LRRC49: variants seen among roughly 807,000 people sequenced by gnomAD.
LRRC49 encodes leucine rich repeat containing 49.
Under a neutral mutation model 83.3 loss-of-function variants are expected in LRRC49, and 50 were observed. The ratio of observed to expected loss-of-function variants is 0.60; its 90% CI spans 0.48 to 0.76. The LOEUF (loss-of-function observed/expected upper bound fraction) is 0.76, where lower values mean the gene tolerates loss of function less well. Among genes scored for constraint, LRRC49 ranks in the 30% least tolerant of loss-of-function variants. The pLI is 0.00. For missense variants in LRRC49, 704 were observed against 809.1 expected (o/e 0.87, Z 1.58); for synonymous variants, 286 against 283.3 (o/e 1.01, Z -0.10).
At chr15:70,927,865 C>G (rs1198827132) in intron 7 of LRRC49, among the ~76,000 whole-genome samples, 1 of 152,052 alleles carries the variant, frequency 6.6e-6, no homozygotes, top group African/African-American at 2.4e-5. Context: ...CTAGGCTGGT[C>G]TCAAACACCT....
At chr15:71,009,713 T>A (rs1384878142) in intron 12 of LRRC49, 94 bp from the exon 13 acceptor site, 1 of 795,042 alleles carries the variant, frequency 1.3e-6, no homozygotes, top group Non-Finnish European at 2.0e-6. Context: ...AGTTTACATA[T>A]TTACCTGGGG....
intron 8 of LRRC49, among the ~76,000 whole-genome samples, chr15:70,937,745 C>T (rs1422900285): frequency 6.6e-6 from 1 of 152,146 alleles, no homozygotes; most frequent in East Asian, 1.9e-4. Context: ...CAGAAATTAT[C>T]TGAAGACAGT....
At chr15:70,958,026 T>C (rs187492961) in intron 8 of LRRC49, among the ~76,000 whole-genome samples, 3 of 152,202 alleles carry the variant, frequency 2.0e-5, no homozygotes, top group Admixed American at 2.0e-4. Flanking sequence ...ACCATAACTC[T>C]AGTTGTTCAC....
chr15:70,861,353 G>A (rs1483352088), intron 1 of LRRC49, among the ~76,000 whole-genome samples: 1 of 125,302 alleles, frequency 8.0e-6, no homozygotes, highest in East Asian at 2.2e-4. Flanking sequence ...GAGTCCAAAA[G>A]GAATAGAATG....
At chr15:70,892,602 T>G, upstream of LRRC49, 2 of 1,459,062 alleles carry the variant, frequency 1.4e-6, no homozygotes, top group Non-Finnish European at 1.8e-6. Context: ...GCAACCAGTG[T>G]GGCCAGCCTC....
intron 7 of LRRC49, 72 bp downstream of exon 7, chr15:70,919,265 T>C (rs191751540): frequency 3.1e-6 from 4 of 1,307,674 alleles, no homozygotes; most frequent in Non-Finnish European, 4.2e-6. Context: ...TGTTGTAATA[T>C]GGCTTTCTGC....
At chr15:70,925,794 T>C (rs2035173755) in intron 7 of LRRC49, among the ~76,000 whole-genome samples, 2 of 152,208 alleles carry the variant, frequency 1.3e-5, no homozygotes, top group African/African-American at 2.4e-5. Context: ...AATCTAAATA[T>C]GAAGACTTTT....
intron 7 of LRRC49, 94 bp downstream of exon 7, chr15:70,919,287 C>G: frequency 8.9e-7 from 1 of 1,121,924 alleles, no homozygotes; most frequent in South Asian, 1.8e-5. Context: ...AAGTAAGAAT[C>G]TACGGTTATT....
At chr15:71,003,325 T>C (rs1311395911) in intron 11 of LRRC49, among the ~76,000 whole-genome samples, 1 of 152,234 alleles carries the variant, frequency 6.6e-6, no homozygotes, top group Non-Finnish European at 1.5e-5. Flanking sequence ...AATTCATATT[T>C]GATTTCATTC....
At chr15:70,893,828 A>T (rs1012672437) in intron 2 of LRRC49, among the ~76,000 whole-genome samples, 188 bp downstream of exon 2, 1 of 151,818 alleles carries the variant, frequency 6.6e-6, no homozygotes, top group Non-Finnish European at 1.5e-5. Flanking sequence ...TAAAAAACTT[A>T]ATGTGATTTT....
intron 13 of LRRC49, among the ~76,000 whole-genome samples, chr15:71,010,196 G>C (rs1334807442): frequency 6.6e-6 from 1 of 151,868 alleles, no homozygotes; most frequent in Admixed American, 6.6e-5. Flanking sequence ...AAATAAAATA[G>C]TAACCAGGTT....
At chr15:70,892,747 TCGGGAGAGGTC>T, upstream of LRRC49, 1 of 1,543,160 alleles carries the variant, frequency 6.5e-7, no homozygotes, top group African/African-American at 1.4e-5. Context: ...CTCTATCGAT[TCGGGAGAGGTC>T]CAGACCGGAA....
chr15:70,872,839 A>G, intron 1 of LRRC49: 1 of 232,962 alleles, frequency 4.3e-6, no homozygotes, highest in South Asian at 7.4e-5. Flanking sequence ...AAGACTTGTG[A>G]GAGAAATGGC....
intron 9 of LRRC49, among the ~76,000 whole-genome samples, chr15:70,975,937 A>G (rs1348883434): frequency 6.6e-6 from 1 of 152,138 alleles, no homozygotes; most frequent in Non-Finnish European, 1.5e-5. Flanking sequence ...GAAATAATGT[A>G]TATCATTTCC....
At chr15:70,974,162 T>G (rs182606752) in intron 9 of LRRC49, among the ~76,000 whole-genome samples, 1 of 152,148 alleles carries the variant, frequency 6.6e-6, no homozygotes. Flanking sequence ...AAAAAGATGG[T>G]TTGTGAGTAC....
chr15:70,986,948 C>T (rs1316694371), intron 11 of LRRC49, among the ~76,000 whole-genome samples: 1 of 152,040 alleles, frequency 6.6e-6, no homozygotes, highest in Non-Finnish European at 1.5e-5. Flanking sequence ...TATTGATTTG[C>T]GTATATTGAG....
intron 14 of LRRC49, among the ~76,000 whole-genome samples, chr15:71,020,998 T>G (rs2038977094): frequency 6.6e-6 from 1 of 152,122 alleles, no homozygotes; most frequent in African/African-American, 2.4e-5. Context: ...AAGAATTGCC[T>G]TGGGCTACAC....
At chr15:70,993,411 C>T (rs1473585924) in intron 11 of LRRC49, among the ~76,000 whole-genome samples, 3 of 152,134 alleles carry the variant, frequency 2.0e-5, no homozygotes, top group African/African-American at 7.2e-5. Flanking sequence ...TCCAACAAGC[C>T]CCAGTAAGAT....
intron 10 of LRRC49, among the ~76,000 whole-genome samples, chr15:70,982,790 T>C (rs1476297374): frequency 6.6e-6 from 1 of 152,180 alleles, no homozygotes; most frequent in Admixed American, 6.6e-5. Context: ...CCAGAAAACA[T>C]GTTTAAAACA....
Sources: gnomAD v4.1 joint callset for allele counts (sites outside exome capture counted in the v4.1 genomes callset) on GRCh38, gnomAD v4.1.1 for gene constraint, MANE v1.5 for transcripts, NCBI Gene and HGNC (gene_info 2026-07-23, HGNC 2026-07-21) for gene names.